The following PRSS23 variants were observed in gnomAD, a reference collection of about 807,000 sequenced individuals.
The protein encoded by PRSS23 is protease, serine 23.
Under a neutral mutation model 34.7 loss-of-function variants are expected in PRSS23, and 25 were observed. The ratio of observed to expected loss-of-function variants is 0.72; its 90% confidence interval spans 0.53 to 1.01. The LOEUF is 1.01. PRSS23 is among the 50% of genes least tolerant of loss of function. The pLI is 0.00. For missense variants in PRSS23, 445 were observed against 475.6 expected, an observed-to-expected ratio of 0.94 and a Z score of 0.60; for synonymous variants, 176 against 186.6, an observed-to-expected ratio of 0.94 and a Z score of 0.46.
chr11:86,934,711 T>A (rs943856304), intron 2 of PRSS23: 1 of 152,266 alleles, frequency 6.6e-6, no homozygotes, highest in African/African-American at 2.4e-5. Flanking sequence ...CCCAAGCTGG[T>A]TCCTTACAAA....
chr11:86,889,499 T>G (rs953875577), intron 2 of PRSS23, among the ~76,000 whole-genome samples: 5 of 152,220 alleles, frequency 3.3e-5, no homozygotes, highest in African/African-American at 1.2e-4. Flanking sequence ...GAGGGCATGC[T>G]GTATTCCCAC....
In PRSS23 at chr11:86,800,584, C is replaced by G. The variant is rs1948022025; in HGVS notation, c.-81C>G. ...GGGGCAGGCATGGGAGCCGCGCGCT[C>G]TCTCCCGGCGCCCACACCTGTCTGA... On this transcript the variant is annotated 5_prime_UTR_variant, in exon 1 of 2. Transcript: ENST00000280258. The G allele has an allele frequency of 1.0e-6, 1 of 984,896 alleles. No homozygotes were observed. Among genetic ancestry groups the G allele is most frequent in the East Asian group, 1.1e-4 (1 of 8,786 alleles). The allele number at this position is 984,896 out of a possible 1,614,324, so 61.0% of individuals were successfully genotyped here.
At chr11:86,938,565 T>C (rs1052737375) in intron 2 of PRSS23, among the ~76,000 whole-genome samples, 3 of 152,092 alleles carry the variant, frequency 2.0e-5, no homozygotes, top group Non-Finnish European at 4.4e-5. Context: ...AGAGGAATGA[T>C]GTGGCTGGAA....
At chr11:86,884,312 T>C (rs762178899) in intron 2 of PRSS23, among the ~76,000 whole-genome samples, 1 of 152,216 alleles carries the variant, frequency 6.6e-6, no homozygotes, top group Non-Finnish European at 1.5e-5. Context: ...TGTTTTGTTT[T>C]GTTTTGAGAC....
At chr11:86,835,838 A>G (rs1948400791) in intron 2 of PRSS23, among the ~76,000 whole-genome samples, 1 of 152,194 alleles carries the variant, frequency 6.6e-6, no homozygotes, top group Admixed American at 6.5e-5. Context: ...TGATGGCACA[A>G]GGTTTCTGAA....
At chr11:86,862,094 A>G (rs1344867839) in intron 2 of PRSS23, among the ~76,000 whole-genome samples, 1 of 151,808 alleles carries the variant, frequency 6.6e-6, no homozygotes, top group Non-Finnish European at 1.5e-5. Context: ...GCAATATCGC[A>G]GGGGGTGTAC....
chr11:86,902,703 G>A (rs1055838756), intron 2 of PRSS23, among the ~76,000 whole-genome samples: 8 of 152,180 alleles, frequency 5.3e-5, no homozygotes, highest in East Asian at 1.9e-4. Context: ...AAAGCAAGAT[G>A]TAAACAACAT....
At chr11:86,824,338 A>T (rs990105918) in intron 2 of PRSS23, among the ~76,000 whole-genome samples, 5 of 146,896 alleles carry the variant, frequency 3.4e-5, no homozygotes, top group Admixed American at 2.7e-4. Flanking sequence ...ATAAAAATAA[A>T]ATAAAATAAA....
chr11:86,862,124 G>A (rs1948620132), intron 2 of PRSS23, among the ~76,000 whole-genome samples: 1 of 151,822 alleles, frequency 6.6e-6, no homozygotes, highest in Admixed American at 6.6e-5. Flanking sequence ...GATATTGCTT[G>A]TAGTATCTGT....
chr11:86,867,643 G>GC (rs1235937259), intron 2 of PRSS23, among the ~76,000 whole-genome samples: 1 of 152,158 alleles, frequency 6.6e-6, no homozygotes, highest in East Asian at 1.9e-4. Flanking sequence ...ACTTTGAGAG[G>GC]CCAAGGCTGG....
chr11:86,818,060 T>A (rs1332929468), intron 1 of PRSS23, among the ~76,000 whole-genome samples: 2 of 152,214 alleles, frequency 1.3e-5, no homozygotes, highest in African/African-American at 4.8e-5. Context: ...CAAGAGTTGT[T>A]TGATCCTTGA....
At chr11:86,843,938 C>T (rs1368623652) in intron 2 of PRSS23, among the ~76,000 whole-genome samples, 1 of 152,198 alleles carries the variant, frequency 6.6e-6, no homozygotes, top group African/African-American at 2.4e-5. Flanking sequence ...GATTAAAAAT[C>T]ATTCTACTAT....
At chr11:86,846,412 G>C (rs952354612) in intron 2 of PRSS23, among the ~76,000 whole-genome samples, 2 of 152,132 alleles carry the variant, frequency 1.3e-5, no homozygotes, top group Admixed American at 1.3e-4. Context: ...TAAAGACACG[G>C]GTGTCAGGCT....
exon 2 of PRSS23, chr11:86,823,421 C>G: frequency 1.4e-6 from 1 of 702,310 alleles, no homozygotes; most frequent in Non-Finnish European, 2.6e-6. Flanking sequence ...CCAACCCTGG[C>G]CTAGTCCTCA....
chr11:86,863,486 G>C (rs1462847898), intron 2 of PRSS23, among the ~76,000 whole-genome samples: 1 of 152,174 alleles, frequency 6.6e-6, no homozygotes, highest in Admixed American at 6.5e-5. Flanking sequence ...CTGGATTCAG[G>C]ATGGGGGCCA....
chr11:86,813,491 G>T (rs1437503633), downstream of PRSS23, among the ~76,000 whole-genome samples: 3 of 152,148 alleles, frequency 2.0e-5, no homozygotes, highest in African/African-American at 7.2e-5. Flanking sequence ...ACTTGCTGGG[G>T]GATACAGTCA....
At chr11:86,838,408 G>A (rs1271850574) in intron 2 of PRSS23, among the ~76,000 whole-genome samples, 1 of 152,180 alleles carries the variant, frequency 6.6e-6, no homozygotes, top group Non-Finnish European at 1.5e-5. Context: ...GCTTGATGGG[G>A]AGAGGGGCAT....
upstream of PRSS23, among the ~76,000 whole-genome samples, chr11:86,797,934 T>C (rs72969415): frequency 0.011 from 1,675 of 152,334 alleles, 13 homozygotes; most frequent in Middle Eastern, 0.027. Flanking sequence ...TGGTACCCCA[T>C]AGTCAGATGC....
At chr11:86,792,017 G>T (rs1947954936) in intron 1 of PRSS23, among the ~76,000 whole-genome samples, 1 of 152,190 alleles carries the variant, frequency 6.6e-6, no homozygotes, top group African/African-American at 2.4e-5. Context: ...TTACAGCCCT[G>T]TGAGGAGGGT....
Sources: allele counts gnomAD v4.1 joint callset (sites outside exome capture counted in the v4.1 genomes callset), GRCh38; gene constraint gnomAD v4.1.1; transcripts MANE v1.5; gene names NCBI Gene and HGNC (gene_info 2026-07-23, HGNC 2026-07-21).